The following RHEX variants were observed in gnomAD, a reference collection of about 807,000 sequenced individuals.
RHEX encodes the protein regulator of hemoglobinization and erythroid cell expansion.
A neutral mutation model predicts 20.1 loss-of-function variants in RHEX; 18 were observed. The ratio of observed to expected loss-of-function variants is 0.90; its 90% CI spans 0.62 to 1.33. The LOEUF (loss-of-function observed/expected upper bound fraction) is 1.33. RHEX is among the 40% of genes most tolerant of loss of function. RHEX has a pLI of 0.00. For missense variants in RHEX, 192 were observed against 214.3 expected (o/e 0.90, Z 0.65); for synonymous variants, 87 against 77.1 (o/e 1.13, Z -0.67).
chr1:206,099,616 G>A, intron 3 of RHEX, 39 bp from the exon 4 acceptor site: 1 of 1,604,182 alleles, frequency 6.2e-7, no homozygotes, highest in Non-Finnish European at 8.5e-7. Context: ...ACTGCGCCTG[G>A]CCAGTTTCCA....
chr1:206,076,223 C>T (rs1553285214), intron 1 of RHEX, among the ~76,000 whole-genome samples: 2 of 151,870 alleles, frequency 1.3e-5, no homozygotes, highest in Non-Finnish European at 2.9e-5. Flanking sequence ...GGCATGGTCA[C>T]AGCTCACTGC....
At chr1:206,074,564 G>T (rs1662596228) in intron 1 of RHEX, among the ~76,000 whole-genome samples, 2 of 152,158 alleles carry the variant, frequency 1.3e-5, no homozygotes, top group Admixed American at 1.3e-4. Flanking sequence ...TATTCACAGA[G>T]TTATGCAACC....
At position 206,099,610 on chromosome 1, in the gene RHEX, C is replaced by T. The variant is rs782523456; in HGVS notation, c.113-45C>T. On this transcript the variant is annotated intron_variant, in intron 3 of 5. Coordinates refer to ENST00000331555, the MANE Select transcript of RHEX (RefSeq NM_001007544.4). ...CTGGGATTACAGGCATGAGCTACTG[C>T]GCCTGGCCAGTTTCCACTTTTGATC... The T allele has an allele frequency of 2.8e-5, 44 of 1,596,992 alleles. No individual in the cohort carries two copies. In the African/African-American group the frequency reaches 2.8e-4, roughly 10 times the overall value.
intron 1 of RHEX, among the ~76,000 whole-genome samples, chr1:206,059,110 CAT>C (rs1553282997): frequency 6.6e-6 from 1 of 152,136 alleles, no homozygotes; most frequent in African/African-American, 2.4e-5. Flanking sequence ...GTTCCCTTCT[CAT>C]TGCTCAGGGT....
At chr1:206,056,827 A>G (rs1662203985) in intron 1 of RHEX, among the ~76,000 whole-genome samples, 2 of 152,254 alleles carry the variant, frequency 1.3e-5, no homozygotes, top group South Asian at 4.1e-4. Flanking sequence ...AAAAATAAGT[A>G]TATCTGTCAA....
intron 3 of RHEX, 106 bp from the exon 4 acceptor site, chr1:206,099,549 C>A: frequency 1.9e-6 from 2 of 1,028,622 alleles, no homozygotes; most frequent in Non-Finnish European, 2.8e-6. Flanking sequence ...GAACTTGTGA[C>A]CTCAAGTGAT....
chr1:206,064,652 TG>T (rs1359610905), intron 1 of RHEX, among the ~76,000 whole-genome samples: 17 of 125,192 alleles, frequency 1.4e-4, no homozygotes, highest in African/African-American at 5.0e-4. Context: ...CGGGGGGAGG[TG>T]GGGGGGTCAG....
intron 1 of RHEX, among the ~76,000 whole-genome samples, chr1:206,082,877 T>C (rs1662765566): frequency 6.6e-6 from 1 of 152,200 alleles, no homozygotes; most frequent in South Asian, 2.1e-4. Context: ...ATCTGGGTCA[T>C]TTTATCCTCC....
chr1:206,081,968 T>G (rs1662747490), intron 1 of RHEX, among the ~76,000 whole-genome samples: 1 of 152,194 alleles, frequency 6.6e-6, no homozygotes, highest in Non-Finnish European at 1.5e-5. Context: ...AAGTGTGTAT[T>G]GACACTGGCA....
chr1:206,069,417 A>G lies in RHEX; in HGVS notation c.-97+16152A>G, dbSNP rs113270658. Among the ~76,000 whole-genome samples the G allele has an allele frequency of 5.2e-3, 792 of 152,328 alleles. 6 individuals carry two copies. Among genetic ancestry groups the G allele is most frequent in the African/African-American group, 0.018 (741 of 41,580 alleles). ...GCTTCTGTAGATATATAAAATAAAG[A>G]CACTGCCCAGTCCCTCCCTCAACGT... On this transcript the variant is annotated intron_variant, in intron 1 of 5. Transcript: ENST00000331555.
intron 1 of RHEX, among the ~76,000 whole-genome samples, chr1:206,057,778 C>T (rs762948293): frequency 4.7e-4 from 71 of 152,234 alleles, no homozygotes; most frequent in Non-Finnish European, 8.8e-4. Context: ...CGATGAATGG[C>T]CCCCTGAAAA....
At chr1:206,055,124 G>A (rs1662161135) in intron 1 of RHEX, among the ~76,000 whole-genome samples, 1 of 152,020 alleles carries the variant, frequency 6.6e-6, no homozygotes, top group Non-Finnish European at 1.5e-5. Flanking sequence ...TATTTTCCAG[G>A]TTTCTACAGC....
At chr1:206,063,964 C>T (rs1450294827) in intron 1 of RHEX, among the ~76,000 whole-genome samples, 5 of 151,354 alleles carry the variant, frequency 3.3e-5, no homozygotes, top group Non-Finnish European at 7.4e-5. Context: ...TCTTCCAGGC[C>T]GCCATCCCAT....
chr1:206,091,251 A>G (rs1662944771), intron 1 of RHEX, among the ~76,000 whole-genome samples: 1 of 152,256 alleles, frequency 6.6e-6, no homozygotes, highest in African/African-American at 2.4e-5. Context: ...AAACATGCTC[A>G]GTAAATATTC....
At chr1:206,072,975 C>A (rs1457693392) in intron 1 of RHEX, among the ~76,000 whole-genome samples, 1 of 151,892 alleles carries the variant, frequency 6.6e-6, no homozygotes, top group Non-Finnish European at 1.5e-5. Context: ...GTAGCTGGGA[C>A]TATAAGCGTG....
chr1:206,066,288 A>C (rs1662421271), intron 1 of RHEX, among the ~76,000 whole-genome samples: 2 of 152,180 alleles, frequency 1.3e-5, no homozygotes, highest in African/African-American at 4.8e-5. Context: ...GATATCTTTA[A>C]ATTTTAAAAA....
intron 1 of RHEX, among the ~76,000 whole-genome samples, chr1:206,055,742 C>T (rs3088153): frequency 6.6e-6 from 1 of 152,266 alleles, no homozygotes; most frequent in Admixed American, 6.5e-5. Flanking sequence ...TCGGCCCCAG[C>T]CCTGGGGCTA....
intron 1 of RHEX, among the ~76,000 whole-genome samples, chr1:206,053,729 C>T (rs1662117786): frequency 6.6e-6 from 1 of 152,170 alleles, no homozygotes; most frequent in Admixed American, 6.5e-5. Flanking sequence ...TGGACAGGTC[C>T]CTTGTTTCAA....
chr1:206,099,627 C>G, intron 3 of RHEX, 28 bp from the exon 4 acceptor site: 1 of 1,610,134 alleles, frequency 6.2e-7, no homozygotes, highest in Non-Finnish European at 8.5e-7. Flanking sequence ...CCAGTTTCCA[C>G]TTTTGATCCC....
Sources: allele counts gnomAD v4.1 joint callset (sites outside exome capture counted in the v4.1 genomes callset), GRCh38; gene constraint gnomAD v4.1.1; transcripts MANE v1.5; gene names NCBI Gene and HGNC (gene_info 2026-07-23, HGNC 2026-07-21).